EFR3B: variants seen among roughly 807,000 people sequenced by gnomAD.
EFR3B encodes the protein protein EFR3 homolog B.
Under a neutral mutation model 104.7 loss-of-function variants are expected in EFR3B, and 64 were observed. The observed-to-expected ratio is 0.61, with a 90% CI of 0.50 to 0.75. The LOEUF is 0.75. Among genes scored for constraint, EFR3B ranks in the 30% least tolerant of loss-of-function variants. The pLI, the probability that EFR3B is intolerant of heterozygous loss-of-function variation, is 0.00. For missense variants in EFR3B, 750 were observed against 1,078.5 expected (o/e 0.70, Z 4.27); for synonymous variants, 385 against 417.9 (o/e 0.92, Z 0.96).
intron 1 of EFR3B, among the ~76,000 whole-genome samples, chr2:25,074,550 G>T (rs1025104751): frequency 5.3e-5 from 8 of 151,460 alleles, no homozygotes; most frequent in African/African-American, 1.5e-4. Context: ...GAGTGACAGA[G>T]CGAGACTCCA....
At chr2:25,084,534 C>T (rs149239885) in intron 1 of EFR3B, among the ~76,000 whole-genome samples, 386 of 152,238 alleles carry the variant, frequency 2.5e-3, no homozygotes, top group African/African-American at 8.9e-3. Flanking sequence ...CCACCGTGAC[C>T]GGCCAGTCTC....
At chr2:25,065,211 C>T (rs189158051) in intron 1 of EFR3B, among the ~76,000 whole-genome samples, 43 of 152,244 alleles carry the variant, frequency 2.8e-4, no homozygotes, top group Admixed American at 2.7e-3. Flanking sequence ...GACAAGGTCT[C>T]GCTCTGTCAC....
chr2:25,145,257 G>A, intron 19 of EFR3B: 1 of 591,070 alleles, frequency 1.7e-6, no homozygotes, highest in Non-Finnish European at 3.0e-6. Flanking sequence ...CTGCTCCCAT[G>A]AGGATATCAT....
intron 1 of EFR3B, among the ~76,000 whole-genome samples, chr2:25,046,595 TG>T (rs1491470352): frequency 7.1e-6 from 1 of 141,772 alleles, no homozygotes; most frequent in Non-Finnish European, 1.5e-5. Context: ...CTCCGCCCCC[TG>T]GGGTTCACGC....
chr2:25,145,239 G>T, intron 19 of EFR3B, 188 bp downstream of exon 19: 1 of 612,570 alleles, frequency 1.6e-6, no homozygotes. Flanking sequence ...AAATTGTTAG[G>T]GTCCTCCCTG....
rs148107148 is a variant in EFR3B at position 25,100,271 on chromosome 2, TAAAG to T, written c.213-3363_213-3360del. On this transcript the variant is annotated intron_variant, in intron 3 of 22. Transcript: ENST00000403714. ...GATGGATATGATTTAGGTCAAGACA[TAAAG>T]AAGAACGAATCTTTTAATTCATCCT... Among the ~76,000 whole-genome samples the T allele has an allele frequency of 3.4e-3, 519 of 152,306 alleles. 7 individuals are homozygous for T. The highest frequency in any genetic ancestry group is 0.012 in the African/African-American group (499 of 41,574).
chr2:25,093,449 G>C (rs575203233), intron 3 of EFR3B, among the ~76,000 whole-genome samples: 4 of 152,018 alleles, frequency 2.6e-5, no homozygotes, highest in Non-Finnish European at 4.4e-5. Flanking sequence ...AACCATGATT[G>C]TGCCACTGCA....
intron 4 of EFR3B, among the ~76,000 whole-genome samples, chr2:25,119,460 T>C (rs1011106128): frequency 1.3e-5 from 2 of 152,186 alleles, no homozygotes; most frequent in Non-Finnish European, 2.9e-5. Context: ...GCACCTCAAG[T>C]CTGTTCCAGC....
chr2:25,097,225 G>A lies in EFR3B; in HGVS notation c.212+4095G>A, dbSNP rs76171493. Among the ~76,000 whole-genome samples, 2,802 of 152,256 alleles carry A rather than the reference G, an allele frequency of 0.018. 244 individuals carry two copies. In the East Asian group the frequency reaches 0.27, roughly 15 times the overall value. ...CATTCTGTTAAAAATAGCCATTGTA[G>A]CCTCTAAGTATTTAAAACCTGAAGG... On this transcript the variant is annotated intron_variant, in intron 3 of 22. Transcript: ENST00000403714.
intron 1 of EFR3B, among the ~76,000 whole-genome samples, chr2:25,045,121 G>C (rs552280719): frequency 5.3e-5 from 8 of 152,266 alleles, no homozygotes; most frequent in Admixed American, 4.6e-4. Flanking sequence ...TGTCCTCTTT[G>C]GGCCCCCTTG....
intron 1 of EFR3B, among the ~76,000 whole-genome samples, chr2:25,048,735 C>A (rs946793053): frequency 6.6e-6 from 1 of 152,192 alleles, no homozygotes; most frequent in Non-Finnish European, 1.5e-5. Context: ...CAATTACTCT[C>A]TATTCCAATA....
At chr2:25,070,117 G>A (rs1420647754) in intron 1 of EFR3B, among the ~76,000 whole-genome samples, 1 of 152,210 alleles carries the variant, frequency 6.6e-6, no homozygotes, top group Non-Finnish European at 1.5e-5. Flanking sequence ...ACTGGTGGGT[G>A]TGGCTTATGA....
chr2:25,154,433 CTG>C lies in EFR3B; in HGVS notation c.*94_*95del. The C allele has an allele frequency of 8.4e-7, 1 of 1,189,416 alleles. No individual in the cohort carries two copies. Among genetic ancestry groups the C allele is most frequent in the South Asian group, 1.4e-5 (1 of 70,722 alleles). 73.7% of individuals were successfully genotyped at this position (1,189,416 alleles called of 1,614,324 possible). ...CCACATGGAGATCTGGCTGTGATCTCTGAGAAAACATCACCTTAGATGGCAGC... is the reference window on the plus strand; with the variant it reads ...CCACATGGAGATCTGGCTGTGATCTCAGAAAACATCACCTTAGATGGCAGC... On this transcript the variant is annotated 3_prime_UTR_variant, in exon 23 of 23. Coordinates refer to ENST00000403714, the MANE Select transcript of EFR3B (RefSeq NM_014971.2). The surrounding 1 kb of genome is among the most constrained non-coding windows in gnomAD (Gnocchi z 4.1).
chr2:25,082,420 C>G (rs1265553215), intron 1 of EFR3B, among the ~76,000 whole-genome samples: 4 of 152,168 alleles, frequency 2.6e-5, no homozygotes, highest in Non-Finnish European at 5.9e-5. Context: ...TGAGCCTGAC[C>G]TCAGGAGCTA....
chr2:25,133,133 A>C, intron 11 of EFR3B, 119 bp downstream of exon 11: 1 of 1,009,786 alleles, frequency 9.9e-7, no homozygotes, highest in Non-Finnish European at 1.5e-6. Context: ...TTTACTCCCA[A>C]ATCCCTCAGC....
chr2:25,045,395 A>C (rs13021871), intron 1 of EFR3B, among the ~76,000 whole-genome samples: 14,476 of 152,310 alleles, frequency 0.095, 894 homozygotes, highest in East Asian at 0.24. Flanking sequence ...GACAAGGGAC[A>C]TGAAAAAATG....
chr2:25,103,825 G>A lies in EFR3B; in HGVS notation c.363+38G>A, dbSNP rs376322848. 3,744 of 1,547,190 alleles carry A rather than the reference G, an allele frequency of 2.4e-3. 13 individuals are homozygous for A. The highest frequency in any genetic ancestry group is 4.4e-3 in the Middle Eastern group (26 of 5,962). On this transcript the variant is annotated intron_variant, in intron 4 of 22. Coordinates refer to ENST00000403714, the MANE Select transcript of EFR3B (RefSeq NM_014971.2). Reference sequence around the variant, plus strand: ...CCAGGGGGCTCCAGGTCTCCCAGCCGCATCCTGGGGGGTGGCAGGGGAGAG... The same window carrying A: ...CCAGGGGGCTCCAGGTCTCCCAGCCACATCCTGGGGGGTGGCAGGGGAGAG...
chr2:25,042,578 CAG>C lies in EFR3B; in HGVS notation c.7+260_7+261del. 8.3e-7 allele frequency: 1 copy of C among 1,199,106 alleles called. No homozygotes were observed. The highest frequency in any genetic ancestry group is 1.0e-6 in the Non-Finnish European group (1 of 967,260). 74.3% of individuals were successfully genotyped at this position (1,199,106 alleles called of 1,614,324 possible). ...GGTGGTCCTTCGGGGGGCGGAGGCT[CAG>C]GGGAAAGCGGGTCTCCCGGAGCCGA... On this transcript the variant is annotated intron_variant, in intron 1 of 22. Coordinates refer to ENST00000403714, the MANE Select transcript of EFR3B (RefSeq NM_014971.2). This position sits in a 1 kb window ranked among gnomAD's most constrained non-coding sequence, Gnocchi z 5.4.
intron 1 of EFR3B, among the ~76,000 whole-genome samples, chr2:25,073,338 A>G (rs1457721430): frequency 6.6e-6 from 1 of 150,450 alleles, no homozygotes; most frequent in African/African-American, 2.4e-5. Flanking sequence ...AAAACTGTGT[A>G]TATTATTTAA....
Sources: allele counts gnomAD v4.1 joint callset (sites outside exome capture counted in the v4.1 genomes callset), GRCh38; gene constraint gnomAD v4.1.1; non-coding constraint Gnocchi (gnomAD v3.1); transcripts MANE v1.5; gene names NCBI Gene and HGNC (gene_info 2026-07-23, HGNC 2026-07-21).